The following CLOCK variants were observed in gnomAD, a reference collection of about 807,000 sequenced individuals.
CLOCK encodes the protein clock circadian regulator.
Under a neutral mutation model 118.4 loss-of-function variants are expected in CLOCK, and 43 were observed. That is an observed-to-expected ratio of 0.36 (90% CI 0.28 to 0.47). CLOCK has a LOEUF of 0.47. Among genes scored for constraint, CLOCK ranks in the 20% least tolerant of loss-of-function variants. CLOCK has a pLI of 1.00. For synonymous variants in CLOCK, 326 were observed against 339.2 expected (o/e 0.96, Z 0.43); for missense variants, 846 against 999.9 (o/e 0.85, Z 2.08).
chr4:55,545,245 T>A (rs12509047), intron 1 of CLOCK, among the ~76,000 whole-genome samples: 114,529 of 151,984 alleles, frequency 0.75, 43,488 homozygotes, highest in East Asian at 0.9. Flanking sequence ...CAACCACTTA[T>A]CACAGGAATT....
intron 2 of CLOCK, among the ~76,000 whole-genome samples, chr4:55,503,145 G>A (rs1159948625): frequency 1.3e-5 from 2 of 152,270 alleles, no homozygotes; most frequent in South Asian, 4.1e-4. Context: ...TTCACTCTTA[G>A]GTGTCTACTC....
intron 2 of CLOCK, among the ~76,000 whole-genome samples, chr4:55,495,109 T>C (rs939967977): frequency 6.6e-6 from 1 of 152,100 alleles, no homozygotes; most frequent in Non-Finnish European, 1.5e-5. Context: ...TCCATTCTTT[T>C]TACATCAGTC....
chr4:55,503,988 A>T (rs1245016864), intron 2 of CLOCK, among the ~76,000 whole-genome samples: 1 of 142,686 alleles, frequency 7.0e-6, no homozygotes, highest in African/African-American at 2.7e-5. Context: ...TAAAAAAAAA[A>T]AAAAAAAAAA....
chr4:55,546,307 G>C (rs991604816), intron 1 of CLOCK, among the ~76,000 whole-genome samples: 2 of 152,040 alleles, frequency 1.3e-5, no homozygotes, highest in African/African-American at 4.8e-5. Context: ...GGTAACCCCA[G>C]CTGCCCCAGA....
At chr4:55,493,557 T>G (rs3805153) in intron 2 of CLOCK, among the ~76,000 whole-genome samples, 46,236 of 152,082 alleles carry the variant, frequency 0.3, 7,629 homozygotes, top group East Asian at 0.58. Flanking sequence ...ACAGTAATTA[T>G]TTCTAAGAGA....
chr4:55,436,892 CT>C (rs35888413), intron 22 of CLOCK, among the ~76,000 whole-genome samples: 22,389 of 98,072 alleles, frequency 0.23, 1,603 homozygotes, highest in South Asian at 0.35. Context: ...TTTGGGATGC[CT>C]TTTTTTTTTT....
At chr4:55,473,185 T>C (rs997784051) in intron 7 of CLOCK, among the ~76,000 whole-genome samples, 4 of 151,616 alleles carry the variant, frequency 2.6e-5, no homozygotes, top group Non-Finnish European at 4.4e-5. Flanking sequence ...ATTGTGCCAC[T>C]GCACTCCAGC....
At chr4:55,544,040 G>A (rs531222496) in intron 1 of CLOCK, among the ~76,000 whole-genome samples, 1 of 152,112 alleles carries the variant, frequency 6.6e-6, no homozygotes, top group South Asian at 2.1e-4. Context: ...GGAGTTTGAG[G>A]GTCCCCTCCC....
chr4:55,439,746 A>C (rs1386519897), intron 21 of CLOCK, among the ~76,000 whole-genome samples: 1 of 152,200 alleles, frequency 6.6e-6, no homozygotes, highest in Non-Finnish European at 1.5e-5. Flanking sequence ...AAGTAAAATA[A>C]GCCATTCACA....
chr4:55,523,092 G>A (rs986853292), intron 1 of CLOCK, among the ~76,000 whole-genome samples: 1 of 151,826 alleles, frequency 6.6e-6, no homozygotes, highest in East Asian at 1.9e-4. Context: ...TCAGGAGATC[G>A]AGACCATCCT....
intron 1 of CLOCK, among the ~76,000 whole-genome samples, chr4:55,537,566 C>G (rs1730987596): frequency 6.6e-6 from 1 of 152,052 alleles, no homozygotes; most frequent in Admixed American, 6.6e-5. Context: ...TGTGGTGACC[C>G]CGTGATTGGG....
At chr4:55,519,632 G>T (rs1729735872) in intron 1 of CLOCK, among the ~76,000 whole-genome samples, 1 of 151,964 alleles carries the variant, frequency 6.6e-6, no homozygotes, top group African/African-American at 2.4e-5. Flanking sequence ...ACAAAAATTA[G>T]CCGGGCGTGG....
intron 2 of CLOCK, among the ~76,000 whole-genome samples, chr4:55,492,729 C>T (rs1053244388): frequency 6.6e-6 from 1 of 152,014 alleles, no homozygotes; most frequent in African/African-American, 2.4e-5. Flanking sequence ...CCTGTAATCC[C>T]AGTTACTCGG....
At chr4:55,509,096 C>G (rs1728985656) in intron 2 of CLOCK, among the ~76,000 whole-genome samples, 1 of 152,176 alleles carries the variant, frequency 6.6e-6, no homozygotes, top group South Asian at 2.1e-4. Flanking sequence ...AGTATCTAAA[C>G]ATATCTTAAC....
At chr4:55,456,028 TA>T in intron 12 of CLOCK, 25 bp from the exon 13 acceptor site, 1 of 1,551,482 alleles carries the variant, frequency 6.4e-7, no homozygotes, top group Non-Finnish European at 8.9e-7. Flanking sequence ...AAACAATCAT[TA>T]TTATAAGTTT....
In CLOCK at chr4:55,482,808, T is replaced by A. The variant is rs770488261; in HGVS notation, c.-23A>T. On this transcript the variant is annotated 5_prime_UTR_variant, in exon 4 of 23. Coordinates refer to ENST00000513440, the MANE Select transcript of CLOCK (RefSeq NM_004898.4). ...CATAACATACTACGTTTTCGTCTTGTAGTAGACATTTGTACTTCTCCTTAG... is the reference window on the plus strand; with the variant it reads ...CATAACATACTACGTTTTCGTCTTGAAGTAGACATTTGTACTTCTCCTTAG... 5 of 1,585,324 alleles carry A rather than the reference T, an allele frequency of 3.2e-6. No homozygotes were observed. Among genetic ancestry groups the A allele is most frequent in the Non-Finnish European group, 3.5e-6 (4 of 1,157,438 alleles).
intron 2 of CLOCK, among the ~76,000 whole-genome samples, chr4:55,505,136 G>C (rs6815413): frequency 0.013 from 1,855 of 147,908 alleles, 47 homozygotes; most frequent in African/African-American, 0.042. Flanking sequence ...GCCAGAGCAA[G>C]ACTCTGTCCC....
At chr4:55,493,966 C>A (rs1418250034) in intron 2 of CLOCK, among the ~76,000 whole-genome samples, 1 of 152,172 alleles carries the variant, frequency 6.6e-6, no homozygotes, top group East Asian at 1.9e-4. Flanking sequence ...TAATACAGTT[C>A]TCTTAGTGGG....
At chr4:55,494,356 C>CA (rs1352988393) in intron 2 of CLOCK, among the ~76,000 whole-genome samples, 1 of 151,850 alleles carries the variant, frequency 6.6e-6, no homozygotes, top group Non-Finnish European at 1.5e-5. Flanking sequence ...TGTCACATGG[C>CA]AAAAAAGGAC....
Sources: gnomAD v4.1 joint callset for allele counts (sites outside exome capture counted in the v4.1 genomes callset) on GRCh38, gnomAD v4.1.1 for gene constraint, MANE v1.5 for transcripts, NCBI Gene and HGNC (gene_info 2026-07-23, HGNC 2026-07-21) for gene names.